DACH2: variants seen among roughly 807,000 people sequenced by gnomAD.
DACH2 encodes the protein dachshund family transcription factor 2.
A neutral mutation model predicts 35.8 loss-of-function variants in DACH2; 17 were observed. That is an observed-to-expected ratio of 0.48 (90% CI 0.33 to 0.71). The LOEUF is 0.71. Among genes scored for constraint, DACH2 ranks in the 30% least tolerant of loss-of-function variants. The probability of loss-of-function intolerance (pLI) is 0.02; values close to 1 mark genes in which losing one functional copy is unlikely to be tolerated. For synonymous variants in DACH2, 195 were observed against 177.3 expected (o/e 1.10, Z -0.79); for missense variants, 469 against 472.7 (o/e 0.99, Z 0.07).
chrX:86,562,429 A>G (rs2148324547), intron 3 of DACH2, among the ~76,000 whole-genome samples: 1 of 111,179 alleles, frequency 9.0e-6, no homozygotes, highest in African/African-American at 3.3e-5. Flanking sequence ...GCTTGCAAAG[A>G]AGGATTAGGA....
chrX:86,537,306 A>G (rs1238139590), intron 3 of DACH2, among the ~76,000 whole-genome samples: 7 of 111,169 alleles, frequency 6.3e-5, no homozygotes, highest in Non-Finnish European at 1.3e-4. Flanking sequence ...AGCATGCCCC[A>G]GGACTCTTTT....
chrX:86,316,666 G>C (rs138939547), intron 1 of DACH2, among the ~76,000 whole-genome samples: 1,170 of 111,337 alleles, frequency 0.011, 9 homozygotes, highest in Non-Finnish European at 0.018. Flanking sequence ...CTGGAGGGAG[G>C]TGTTGTGTGG....
chrX:86,667,438 GA>G, intron 4 of DACH2, among the ~76,000 whole-genome samples: 1 of 77,037 alleles, frequency 1.3e-5, no homozygotes, highest in Non-Finnish European at 2.6e-5. Flanking sequence ...AGAAAAGAAA[GA>G]AAGAAGAAAG....
At chrX:86,721,837 C>T (rs1008339914) in intron 6 of DACH2, among the ~76,000 whole-genome samples, 2 of 111,612 alleles carry the variant, frequency 1.8e-5, no homozygotes, top group Admixed American at 9.5e-5. Context: ...CAGCTCTTCA[C>T]GGGGCAGGAG....
At chrX:86,429,928 A>G (rs1241747159) in intron 2 of DACH2, among the ~76,000 whole-genome samples, 2 of 112,219 alleles carry the variant, frequency 1.8e-5, no homozygotes, top group Non-Finnish European at 3.8e-5. Context: ...TATAGAGATA[A>G]ATCATACAAA....
At chrX:86,318,627 A>G (rs1386739478) in intron 1 of DACH2, among the ~76,000 whole-genome samples, 2 of 110,944 alleles carry the variant, frequency 1.8e-5, no homozygotes, top group Non-Finnish European at 3.8e-5. Context: ...TTTTAATATT[A>G]TTCTCTAAGA....
chrX:86,643,579 G>A (rs868322789), intron 3 of DACH2, among the ~76,000 whole-genome samples: 12 of 111,049 alleles, frequency 1.1e-4, no homozygotes, highest in Non-Finnish European at 2.3e-4. Context: ...TCAAACAACT[G>A]AAGAGGAGGG....
chrX:86,390,743 C>T (rs775191280), intron 2 of DACH2, among the ~76,000 whole-genome samples: 29 of 108,990 alleles, frequency 2.7e-4, no homozygotes, highest in African/African-American at 9.0e-4. Flanking sequence ...GCATGCACCA[C>T]CACACCTGGC....
In DACH2 at chrX:86,261,857, G is replaced by T. The variant is rs187064526; in HGVS notation, c.488+112749G>T. The stretch of plus-strand genomic sequence containing the variant: ...CAATGATTAATACCACCTAGAGCTT[G>T]CATATGGAGGGAAATTGAAGTAGGG... On this transcript the variant is annotated intron_variant, in intron 1 of 11. Transcript: ENST00000373125. 4.3e-3 allele frequency among the ~76,000 whole-genome samples: 477 copies of T among 111,390 alleles called. 2 individuals carry two copies. The highest frequency in any genetic ancestry group is 5.7e-3 in the Non-Finnish European group (305 of 53,130).
At chrX:86,594,088 C>A (rs762122880) in intron 3 of DACH2, among the ~76,000 whole-genome samples, 2 of 111,514 alleles carry the variant, frequency 1.8e-5, no homozygotes, top group Non-Finnish European at 3.8e-5. Context: ...TTGACTCTTT[C>A]AAGGAATTGG....
intron 1 of DACH2, among the ~76,000 whole-genome samples, chrX:86,327,362 A>G (rs2035134660): frequency 8.9e-6 from 1 of 112,211 alleles, no homozygotes; most frequent in Non-Finnish European, 1.9e-5. Flanking sequence ...ACCAAGACAC[A>G]CATACATCAT....
intron 7 of DACH2, among the ~76,000 whole-genome samples, chrX:86,747,661 G>A (rs2041728032): frequency 1.8e-5 from 2 of 111,765 alleles, no homozygotes; most frequent in African/African-American, 6.5e-5. Flanking sequence ...AGCCTTCGCC[G>A]AGTCATAATC....
chrX:86,283,895 T>TACAC (rs1214367028), intron 1 of DACH2, among the ~76,000 whole-genome samples: 9 of 59,515 alleles, frequency 1.5e-4, no homozygotes, highest in African/African-American at 6.1e-4. Context: ...CACACACACA[T>TACAC]ACACACACAC....
chrX:86,534,508 A>C (rs2038769125), intron 3 of DACH2, among the ~76,000 whole-genome samples: 1 of 112,127 alleles, frequency 8.9e-6, no homozygotes, highest in African/African-American at 3.2e-5. Flanking sequence ...TAAAAACCTC[A>C]GTGAACAGAA....
At chrX:86,220,006 A>AAAC (rs2147922402) in intron 1 of DACH2, among the ~76,000 whole-genome samples, 1 of 100,139 alleles carries the variant, frequency 1.0e-5, no homozygotes, top group African/African-American at 3.7e-5. Context: ...AAAATACAAA[A>AAAC]AAAAAAAAAA....
At chrX:86,258,227 T>G (rs1415463189) in intron 1 of DACH2, among the ~76,000 whole-genome samples, 1 of 112,329 alleles carries the variant, frequency 8.9e-6, no homozygotes, top group Non-Finnish European at 1.9e-5. Context: ...AGAAAGTTGT[T>G]CATTTTTTAA....
At chrX:86,631,395 C>T (rs2040199455) in intron 3 of DACH2, among the ~76,000 whole-genome samples, 2 of 112,060 alleles carry the variant, frequency 1.8e-5, no homozygotes, top group Non-Finnish European at 1.9e-5. Flanking sequence ...ATAACATTAA[C>T]ATTTCATACC....
At chrX:86,298,929 G>C (rs1050384372) in intron 1 of DACH2, among the ~76,000 whole-genome samples, 5 of 112,052 alleles carry the variant, frequency 4.5e-5, no homozygotes, top group Admixed American at 3.8e-4. Context: ...TGTTGTGACT[G>C]TGAAACTGTG....
At chrX:86,203,613 G>T (rs908489451) in intron 1 of DACH2, among the ~76,000 whole-genome samples, 1 of 111,396 alleles carries the variant, frequency 9.0e-6, no homozygotes, top group Non-Finnish European at 1.9e-5. Flanking sequence ...TTAAAAATCT[G>T]GTATATATCC....
Sources: allele counts gnomAD v4.1 joint callset (sites outside exome capture counted in the v4.1 genomes callset), GRCh38; gene constraint gnomAD v4.1.1; transcripts MANE v1.5; gene names NCBI Gene and HGNC (gene_info 2026-07-23, HGNC 2026-07-21).